Variants in PARP11 observed in about 807,000 individuals in gnomAD.
The protein encoded by PARP11 is protein mono-ADP-ribosyltransferase PARP11.
Under a neutral mutation model 42.9 loss-of-function variants are expected in PARP11, and 31 were observed. The observed-to-expected ratio is 0.72, with a 90% CI of 0.54 to 0.98. The LOEUF is 0.98. Among genes scored for constraint, PARP11 ranks in the 50% least tolerant of loss-of-function variants. The pLI is 0.00. For synonymous variants in PARP11, 137 were observed against 127.3 expected, an observed-to-expected ratio of 1.08 and a Z score of -0.51; for missense variants, 365 against 413.1, an observed-to-expected ratio of 0.88 and a Z score of 1.01.
Position 3,822,076 on chromosome 12 carries a change from T to C in PARP11, c.417+9A>G. ...TTTCATGGGTATATTCAGTCAATTC[T>C]GCTCTTACCTGATATGGTACTTGAG... On this transcript the variant is annotated intron_variant, in intron 5 of 7. Coordinates refer to ENST00000228820, the MANE Select transcript of PARP11 (RefSeq NM_020367.6). The C allele has an allele frequency of 6.2e-7, 1 of 1,612,884 alleles. No homozygotes were observed. Among genetic ancestry groups the C allele is most frequent in the African/African-American group, 1.3e-5 (1 of 75,012 alleles).
At chr12:3,865,589 T>C (rs1948376249) in intron 1 of PARP11, among the ~76,000 whole-genome samples, 1 of 152,158 alleles carries the variant, frequency 6.6e-6, no homozygotes, top group African/African-American at 2.4e-5. Context: ...GATCTCTTTA[T>C]CATTAAGAAA....
rs1225526610 is a variant in PARP11, at chr12:3,826,172, A to G, written c.330T>C (p.Ser110=). The G allele has an allele frequency of 3.1e-6, 5 of 1,593,232 alleles. No homozygotes were observed. In the South Asian group the frequency reaches 5.7e-5, roughly 18 times the overall value. The change falls in exon 4 of 8, where the codon TCT becomes TCC. Residue 110 remains serine (S), a synonymous_variant. Transcript: ENST00000228820. ...KQRLIKRAPF[S]ISAFSYICEN... is the part of the protein sequence containing the mutation. ...CTTTACCATACCTGAAAGCACTGATAGAAAAGGGGGCTCTTTTTATTAAGC... is the reference window on the plus strand; with the variant it reads ...CTTTACCATACCTGAAAGCACTGATGGAAAAGGGGGCTCTTTTTATTAAGC...
intron 6 of PARP11, chr12:3,814,946 C>A (rs1270534724): frequency 4.5e-6 from 2 of 444,664 alleles, no homozygotes; most frequent in African/African-American, 2.0e-5. Context: ...TGTAGGTATA[C>A]ATACACAGGT....
chr12:3,839,493 C>T (rs983538738), intron 1 of PARP11: 1 of 1,608,820 alleles, frequency 6.2e-7, no homozygotes, highest in African/African-American at 1.3e-5. Flanking sequence ...ATGTTGAAGT[C>T]AGAATGGCCT....
chr12:3,827,886 C>T (rs146311305), intron 3 of PARP11, among the ~76,000 whole-genome samples: 5 of 152,292 alleles, frequency 3.3e-5, no homozygotes, highest in African/African-American at 4.8e-5. Context: ...AAGGACCAAG[C>T]TGTGTAGCAA....
rs556146932 is a variant in PARP11, at chr12:3,861,521, G to C, written c.18+11691C>G. Reference sequence around the variant, plus strand: ...TCTTTAGCTCACTTTAAAAAATTGAGTTCCTTCTCTTGAGATTTCAGAGTT... The same window carrying C: ...TCTTTAGCTCACTTTAAAAAATTGACTTCCTTCTCTTGAGATTTCAGAGTT... On this transcript the variant is annotated intron_variant, in intron 1 of 7. Coordinates refer to ENST00000228820, the MANE Select transcript of PARP11 (RefSeq NM_020367.6). The surrounding 1 kb of genome is among the most constrained non-coding windows in gnomAD (Gnocchi z 4.6). 7.0e-4 allele frequency among the ~76,000 whole-genome samples: 106 copies of C among 152,232 alleles called. No homozygotes were observed. Among genetic ancestry groups the C allele is most frequent in the Admixed American group, 2.8e-3 (43 of 15,304 alleles).
intron 1 of PARP11, chr12:3,839,332 G>C: frequency 1.3e-6 from 2 of 1,532,030 alleles, no homozygotes; most frequent in East Asian, 2.5e-5. Context: ...CCCCGACGGC[G>C]AGGACCAGGG....
chr12:3,825,713 AT>A (rs760336456), intron 4 of PARP11, among the ~76,000 whole-genome samples: 5 of 151,756 alleles, frequency 3.3e-5, no homozygotes, highest in Non-Finnish European at 5.9e-5. Flanking sequence ...GAGATTTGAT[AT>A]TTTTTTAATT....
At chr12:3,842,984 T>C (rs1947924964) in intron 1 of PARP11, among the ~76,000 whole-genome samples, 1 of 152,204 alleles carries the variant, frequency 6.6e-6, no homozygotes, top group South Asian at 2.1e-4. Context: ...ATGCAATGCC[T>C]TAGTCATAAA....
chr12:3,838,820 T>G (rs960594332), intron 1 of PARP11, among the ~76,000 whole-genome samples: 1 of 152,182 alleles, frequency 6.6e-6, no homozygotes, highest in African/African-American at 2.4e-5. Context: ...TCTTTCTTTT[T>G]TGGTTTCCTC....
chr12:3,848,632 T>C (rs914511580), intron 1 of PARP11, among the ~76,000 whole-genome samples: 3 of 152,024 alleles, frequency 2.0e-5, no homozygotes, highest in African/African-American at 7.2e-5. Context: ...TATACCACTA[T>C]CTCTAACCAC....
intron 1 of PARP11, among the ~76,000 whole-genome samples, chr12:3,859,533 G>A (rs187731425): frequency 4.6e-4 from 67 of 146,134 alleles, no homozygotes; most frequent in African/African-American, 1.6e-3. Context: ...CTGCCCTCCA[G>A]CCTGGGTGAC....
intron 6 of PARP11, chr12:3,815,026 A>G (rs1208808895): frequency 4.4e-6 from 2 of 456,630 alleles, no homozygotes; most frequent in South Asian, 3.1e-5. Flanking sequence ...AGAGTAGGAC[A>G]GGGATGGAGT....
chr12:3,846,573 G>A lies in PARP11; in HGVS notation c.19-16555C>T, dbSNP rs137909637. ...AGATCGAGACCATCCTGGCTAACAC[G>A]GTGAAACCCCGTCTCTACTAAAAAT... is the stretch of plus-strand genomic sequence containing the variant. On this transcript the variant is annotated intron_variant, in intron 1 of 7. Coordinates refer to ENST00000228820, the MANE Select transcript of PARP11 (RefSeq NM_020367.6). 5.0e-3 allele frequency among the ~76,000 whole-genome samples: 755 copies of A among 151,152 alleles called. 5 individuals carry two copies. The highest frequency in any genetic ancestry group is 0.018 in the African/African-American group (722 of 41,162).
At chr12:3,817,695 T>G (rs1947319788) in intron 6 of PARP11, among the ~76,000 whole-genome samples, 1 of 152,202 alleles carries the variant, frequency 6.6e-6, no homozygotes, top group Admixed American at 6.5e-5. Context: ...TATCCACCTC[T>G]TAGGGACTAG....
intron 1 of PARP11, among the ~76,000 whole-genome samples, chr12:3,850,244 TAAA>T (rs923909785): frequency 2.0e-5 from 3 of 152,106 alleles, no homozygotes; most frequent in Non-Finnish European, 4.4e-5. Flanking sequence ...AAAGTAATAA[TAAA>T]AATGTATAGT....
Position 3,840,851 on chromosome 12 carries a change from A to C in PARP11, c.19-10833T>G. On this transcript the variant is annotated intron_variant, in intron 1 of 7. Coordinates refer to ENST00000228820, the MANE Select transcript of PARP11 (RefSeq NM_020367.6). The surrounding 1 kb of genome is among the most constrained non-coding windows in gnomAD (Gnocchi z 4.4). ...AAGTTAGAGTGCCCTTCTCCTGCAG[A>C]ACAAAAGCCAGCAGAACATGTGTCT... The C allele has an allele frequency of 6.3e-7, 1 of 1,599,996 alleles. No individual in the cohort carries two copies. The highest frequency in any genetic ancestry group is 8.6e-7 in the Non-Finnish European group (1 of 1,167,042).
At chr12:3,836,382 A>G (rs1382198552) in intron 1 of PARP11, among the ~76,000 whole-genome samples, 1 of 152,198 alleles carries the variant, frequency 6.6e-6, no homozygotes, top group African/African-American at 2.4e-5. Flanking sequence ...TAGCAAAACT[A>G]TCTTTCAAAA....
At chr12:3,818,758 C>A (rs1235648751) in intron 6 of PARP11, among the ~76,000 whole-genome samples, 1 of 152,214 alleles carries the variant, frequency 6.6e-6, no homozygotes, top group Non-Finnish European at 1.5e-5. Context: ...TACTTGACAT[C>A]TTTTCAGTAT....
Sources: allele counts gnomAD v4.1 joint callset (sites outside exome capture counted in the v4.1 genomes callset), GRCh38; gene constraint gnomAD v4.1.1; non-coding constraint Gnocchi (gnomAD v3.1); transcripts MANE v1.5; gene names NCBI Gene and HGNC (gene_info 2026-07-23, HGNC 2026-07-21).